The following POM121L2 variants were observed in gnomAD, a reference collection of about 807,000 sequenced individuals.
POM121L2 encodes POM121 transmembrane nucleoporin like 2, also known as POM121-like protein 2.
For synonymous variants in POM121L2, 459 were observed against 483.8 expected (o/e 0.95, Z 0.67); for missense variants, 1,167 against 1,260.3 (o/e 0.93, Z 1.12).
intron 1 of POM121L2, chr6:27,309,356 AG>A: frequency 6.4e-7 from 1 of 1,551,644 alleles, no homozygotes; most frequent in Middle Eastern, 1.7e-4. Context: ...TTCTGGCTCC[AG>A]CCTTTTCCAA....
At position 27,308,678 on chromosome 6, in the gene POM121L2, T is replaced by G. The variant is rs1760702130; in HGVS notation, c.*385A>C. The stretch of plus-strand genomic sequence containing the variant: ...TAGTGAGTAACAGAGAACATGTTAG[T>G]GTTTACCAGCAGTAGGGATGGCAGG... On this transcript the variant is annotated 3_prime_UTR_variant, in exon 1 of 1. Transcript: ENST00000444565. Among the ~76,000 whole-genome samples the G allele has an allele frequency of 6.6e-6, 1 of 152,212 alleles. No homozygotes were observed. The highest frequency in any genetic ancestry group is 2.1e-4 in the South Asian group (1 of 4,828).
Position 27,311,188 on chromosome 6 carries a change from G to A in POM121L2, c.983C>T (p.Pro328Leu). The A allele has an allele frequency of 6.4e-7, 1 of 1,551,982 alleles. No individual in the cohort carries two copies. Among genetic ancestry groups the A allele is most frequent in the Non-Finnish European group, 8.7e-7 (1 of 1,147,062 alleles). The change falls in exon 1 of 1, where the codon CCT (proline) becomes CTT (leucine). Residue 328 changes from proline (P) to leucine (L), a missense_variant. Transcript: ENST00000444565. ...NQKIPQLPSS[P>L]ENLVSEIPPP... ...TGGGATCTCTGACACCAGGTTCTCA[G>A]GGCTAGACGGCAGCTGTGGAATCTT...
In POM121L2 at chr6:27,310,716, T is replaced by G; in HGVS notation, c.1455A>C (p.Ser485=). ...LPVTDTTWPP[S]TSQADRSPMP... Reference sequence around the variant, plus strand: ...TGGGAGACCTGTCAGCCTGAGAGGTTGAAGGCGGCCAGGTGGTGTCAGTAA... The same window carrying G: ...TGGGAGACCTGTCAGCCTGAGAGGTGGAAGGCGGCCAGGTGGTGTCAGTAA... Residue 485 remains serine (S), a synonymous_variant, in exon 1 of 1, where the codon TCA becomes TCC. Transcript: ENST00000444565. 6.4e-7 allele frequency: 1 copy of G among 1,551,846 alleles called. No homozygotes were observed. The highest frequency in any genetic ancestry group is 8.7e-7 in the Non-Finnish European group (1 of 1,147,014).
chr6:27,311,783 G>T lies in POM121L2; in HGVS notation c.388C>A (p.Pro130Thr), dbSNP rs1442655770. 3 of 1,551,692 alleles carry T rather than the reference G, an allele frequency of 1.9e-6. No homozygotes were observed. Among genetic ancestry groups the T allele is most frequent in the Admixed American group, 3.9e-5 (2 of 50,988 alleles). ...ACATCTTCAGGAGAAGTGGAAGGGG[G>T]CACTCTCTGGTCAGGAGGAGTGATC... Reference protein sequence around the residue: ...IRITPPDQRVPPSTSPEDVIA... With the variant: ...IRITPPDQRVTPSTSPEDVIA... Residue 130 changes from proline (P) to threonine (T), a missense_variant, in exon 1 of 1, where the codon CCC becomes ACC. By Grantham distance (38) the Pro-to-Thr change is conservative. Coordinates refer to ENST00000444565, the MANE Select transcript of POM121L2 (RefSeq NM_033482.4).
In POM121L2 at chr6:27,308,647, A is replaced by T. The variant is rs1760701838; in HGVS notation, c.*416T>A. On this transcript the variant is annotated 3_prime_UTR_variant, in exon 1 of 1. Transcript: ENST00000444565. Reference sequence around the variant, plus strand: ...ATTTAAGTGACACTCTCTAAAAGACAACCTATAGTGAGTAACAGAGAACAT... The same window carrying T: ...ATTTAAGTGACACTCTCTAAAAGACTACCTATAGTGAGTAACAGAGAACAT... Among the ~76,000 whole-genome samples, 1 of 152,254 alleles carries T rather than the reference A, an allele frequency of 6.6e-6. No individual in the cohort carries two copies. The highest frequency in any genetic ancestry group is 2.4e-5 in the African/African-American group (1 of 41,470).
In POM121L2 at chr6:27,311,686, G is replaced by T; in HGVS notation, c.485C>A (p.Ala162Asp). The T allele has an allele frequency of 6.4e-7, 1 of 1,551,860 alleles. No homozygotes were observed. The highest frequency in any genetic ancestry group is 8.7e-7 in the Non-Finnish European group (1 of 1,147,034). ...DPCSKETVLRALRECRKGKGR... is the reference protein window; with the variant it reads ...DPCSKETVLRDLRECRKGKGR... ...TTTCCCTTTTCTGCACTCTCTGAGG[G>T]CCCTCAACACTGTCTCCTTTGAACA... Residue 162 changes from alanine to aspartate, a missense_variant, in exon 1 of 1, where the codon GCC (alanine) becomes GAC (aspartate). Ala to Asp is a moderately radical substitution (Grantham distance 126). Coordinates refer to ENST00000444565, the MANE Select transcript of POM121L2 (RefSeq NM_033482.4).
rs773655295 is a variant in POM121L2, at chr6:27,311,030, C to A, written c.1141G>T (p.Ala381Ser). ...NTDPFPETWL[A>S]IQPSLSLALP... is the part of the protein sequence containing the mutation. ...GCAAGAGACAAGGAAGGCTGAATAG[C>A]AAGCCAAGTCTCAGGGAAAGGGTCT... Residue 381 changes from alanine to serine, a missense_variant, in exon 1 of 1, where the codon GCT becomes TCT. Ala to Ser is a moderately conservative substitution (Grantham distance 99, BLOSUM62 1). Coordinates refer to ENST00000444565, the MANE Select transcript of POM121L2 (RefSeq NM_033482.4). 1 of 1,551,914 alleles carries A rather than the reference C, an allele frequency of 6.4e-7. No individual in the cohort carries two copies. Among genetic ancestry groups the A allele is most frequent in the Non-Finnish European group, 8.7e-7 (1 of 1,146,900 alleles).
rs1760726413 is a variant in POM121L2 at position 27,310,269 on chromosome 6, G to C, written c.1902C>G (p.Asp634Glu). 5.8e-6 allele frequency: 9 copies of C among 1,552,378 alleles called. No homozygotes were observed. Among genetic ancestry groups the C allele is most frequent in the Non-Finnish European group, 7.0e-6 (8 of 1,147,126 alleles). The change falls in exon 1 of 1, where the codon GAC becomes GAG. Residue 634 changes from aspartate (D) to glutamate (E), a missense_variant. Transcript: ENST00000444565. ...AATCCAAAGGTGGCTTAAAAACAGAGTCTTTAGATGTGCTGGCTAGGGTGG... is the reference window on the plus strand; with the variant it reads ...AATCCAAAGGTGGCTTAAAAACAGACTCTTTAGATGTGCTGGCTAGGGTGG... The part of the protein sequence containing the change: ...MSTTLASTSK[D>E]SVFKPPLDFG...
rs951963533 is a variant in POM121L2 at position 27,309,488 on chromosome 6, C to T, written c.2683G>A (p.Val895Met). 1.8e-5 allele frequency: 28 copies of T among 1,551,796 alleles called. No homozygotes were observed. The highest frequency in any genetic ancestry group is 1.7e-4 in the Middle Eastern group (1 of 6,016). The change falls in exon 1 of 1, where the codon GTG (valine) becomes ATG (methionine). Residue 895 changes from valine (V) to methionine (M), a missense_variant. Coordinates refer to ENST00000444565, the MANE Select transcript of POM121L2 (RefSeq NM_033482.4). ...APQPFTFGGF[V>M]TPMDCDESGI... ...GACTCATCACAGTCCATAGGGGTCA[C>T]GAATCCCCCAAAAGTGAAAGGTTGT...
rs1220765988 is a variant in POM121L2, at chr6:27,310,033, G to A, written c.2138C>T (p.Ser713Phe). The A allele has an allele frequency of 1.3e-6, 2 of 1,552,066 alleles. No individual in the cohort carries two copies. The highest frequency in any genetic ancestry group is 1.4e-5 in the African/African-American group (1 of 73,058). Reference protein sequence around the residue: ...TQVLSSVVQISPRSSTANFRG... With the variant: ...TQVLSSVVQIFPRSSTANFRG... The stretch of plus-strand genomic sequence containing the variant: ...GAAATTAGCAGTGCTGCTTCTAGGG[G>A]ATATCTGTACAACACTGGAAAGGAC... Residue 713 changes from serine to phenylalanine, a missense_variant, in exon 1 of 1, where the codon TCC (serine) becomes TTC (phenylalanine). Ser to Phe is a radical substitution (Grantham distance 155). Coordinates refer to ENST00000444565, the MANE Select transcript of POM121L2 (RefSeq NM_033482.4).
In POM121L2 at chr6:27,310,347, A is replaced by G. The variant is rs1384381402; in HGVS notation, c.1824T>C (p.Ala608=). Reference sequence around the variant, plus strand: ...CCAGGCCATGGAAATGATGGGTAGAAGCATGAGTAAATGGAGGAGGGGTCT... The same window carrying G: ...CCAGGCCATGGAAATGATGGGTAGAGGCATGAGTAAATGGAGGAGGGGTCT... ...SKQTPPPFTH[A]STHHFHGLVK... is the part of the protein sequence containing the mutation. The change falls in exon 1 of 1, where the codon GCT becomes GCC. Residue 608 remains alanine, a synonymous_variant. Coordinates refer to ENST00000444565, the MANE Select transcript of POM121L2 (RefSeq NM_033482.4). The G allele has an allele frequency of 8.4e-6, 13 of 1,552,256 alleles. No homozygotes were observed. Among genetic ancestry groups the G allele is most frequent in the Non-Finnish European group, 1.1e-5 (13 of 1,147,104 alleles).
chr6:27,309,503 T>C lies in POM121L2; in HGVS notation c.2668A>G (p.Thr890Ala), dbSNP rs1290034409. The change falls in exon 1 of 1, where the codon ACT (threonine) becomes GCT (alanine). Residue 890 changes from threonine (T) to alanine (A), a missense_variant. By Grantham distance (58) the Thr-to-Ala change is moderately conservative (BLOSUM62 0). Coordinates refer to ENST00000444565, the MANE Select transcript of POM121L2 (RefSeq NM_033482.4). ...ATAGGGGTCACGAATCCCCCAAAAG[T>C]GAAAGGTTGTGGAGCTCTGCTGCCA... ...VFGSRAPQPF[T>A]FGGFVTPMDC... 6 of 1,551,884 alleles carry C rather than the reference T, an allele frequency of 3.9e-6. 1 individual carries two copies. The East Asian group carries it at 1.2e-4, about 32-fold the overall frequency.
At position 27,311,733 on chromosome 6, in the gene POM121L2, G is replaced by T. The variant is rs770048144; in HGVS notation, c.438C>A (p.Pro146=). 6.4e-6 allele frequency: 10 copies of T among 1,551,732 alleles called. No individual in the cohort carries two copies. The highest frequency in any genetic ancestry group is 3.9e-5 in the Admixed American group (2 of 50,986). The change falls in exon 1 of 1, where the codon CCC becomes CCA. Residue 146 remains proline (P), a synonymous_variant. Transcript: ENST00000444565. ...EDVIALAGLP[P]SEELADPCSK... ...AACATGGATCTGCGAGCTCCTCAGA[G>T]GGCGGGAGTCCTGCAAGGGCAATTA...
Position 27,310,868 on chromosome 6 carries a change from A to G in POM121L2, c.1303T>C (p.Leu435=). Residue 435 remains leucine, a synonymous_variant, in exon 1 of 1, where the codon TTG becomes CTG. Coordinates refer to ENST00000444565, the MANE Select transcript of POM121L2 (RefSeq NM_033482.4). ...GEATSVAHSP[L]KTPSLPTPPG... is the part of the protein sequence containing the mutation. ...GGGGTCGGTAGGCTGGGTGTCTTCA[A>G]AGGAGAATGGGCCACACTGGTTGCC... 3 of 1,551,736 alleles carry G rather than the reference A, an allele frequency of 1.9e-6. No homozygotes were observed. The highest frequency in any genetic ancestry group is 2.6e-6 in the Non-Finnish European group (3 of 1,146,982).
In POM121L2 at chr6:27,311,111, T is replaced by C; in HGVS notation, c.1060A>G (p.Lys354Glu). 3 of 1,551,892 alleles carry C rather than the reference T, an allele frequency of 1.9e-6. No individual in the cohort carries two copies. Among genetic ancestry groups the C allele is most frequent in the Non-Finnish European group, 2.6e-6 (3 of 1,147,042 alleles). Residue 354 changes from lysine (K) to glutamate (E), a missense_variant, in exon 1 of 1, where the codon AAA becomes GAA. Coordinates refer to ENST00000444565, the MANE Select transcript of POM121L2 (RefSeq NM_033482.4). ...VSDENLTLGK[K>E]AELQVSNNAG... ...TTGTTGCTTACCTGTAGCTCAGCTT[T>C]CTTCCCCAAAGTCAAGTTCTCATCA...
Position 27,311,550 on chromosome 6 carries a change from A to G in POM121L2, c.621T>C (p.Ser207=). The G allele has an allele frequency of 6.4e-7, 1 of 1,551,722 alleles. No homozygotes were observed. The highest frequency in any genetic ancestry group is 8.7e-7 in the Non-Finnish European group (1 of 1,147,014). Residue 207 remains serine, a synonymous_variant, in exon 1 of 1, where the codon TCT becomes TCC. Transcript: ENST00000444565. The stretch of plus-strand genomic sequence containing the variant: ...TCAGCGGCCCAGGCCTGGGCACAAA[A>G]GAAGTGAGGGTTCCATTTTTCATCA... ...KPLMKNGTLT[S]FVPRPGPLKR...
In POM121L2 at chr6:27,310,635, C is replaced by T; in HGVS notation, c.1536G>A (p.Val512=). Residue 512 remains valine, a synonymous_variant, in exon 1 of 1, where the codon GTG becomes GTA. Transcript: ENST00000444565. ...CAGAAAGATGGGATGTTGGGCTACT[C>T]ACCATTCCAAGCAAAGTACTTTGGA... ...PTIQSTLLGM[V]SSPTSHLSAS... The T allele has an allele frequency of 6.4e-7, 1 of 1,551,886 alleles. No individual in the cohort carries two copies. Among genetic ancestry groups the T allele is most frequent in the Non-Finnish European group, 8.7e-7 (1 of 1,147,054 alleles).
In POM121L2 at chr6:27,310,553, G is replaced by C; in HGVS notation, c.1618C>G (p.Pro540Ala). ...AHLMLKPILG[P>A]LHNSEIGSSS... is the part of the protein sequence containing the mutation. ...CTTCCAATCTCGCTGTTGTGCAGGG[G>C]CCCCAAAATCGGTTTTAACATGAGG... Residue 540 changes from proline (P) to alanine (A), a missense_variant, in exon 1 of 1, where the codon CCC (proline) becomes GCC (alanine). Coordinates refer to ENST00000444565, the MANE Select transcript of POM121L2 (RefSeq NM_033482.4). The C allele has an allele frequency of 6.4e-7, 1 of 1,552,154 alleles. No individual in the cohort carries two copies. Among genetic ancestry groups the C allele is most frequent in the South Asian group, 1.2e-5 (1 of 84,060 alleles).
chr6:27,309,642 G>T lies in POM121L2; in HGVS notation c.2529C>A (p.Ser843Arg), dbSNP rs750719227. 7.1e-6 allele frequency: 11 copies of T among 1,551,736 alleles called. No homozygotes were observed. The South Asian group carries it at 1.3e-4, about 18-fold the overall frequency. Residue 843 changes from serine to arginine, a missense_variant, in exon 1 of 1, where the codon AGC (serine) becomes AGA (arginine). Transcript: ENST00000444565. ...PSASTSQTPA[S>R]TWSGIGGIPA... ...GAATGCCGCCAATGCCTGACCAGGT[G>T]CTGGCAGGGGTTTGAGAGGTGGAGG...
Sources: allele counts gnomAD v4.1 joint callset (sites outside exome capture counted in the v4.1 genomes callset), GRCh38; gene constraint gnomAD v4.1.1; transcripts MANE v1.5; gene names NCBI Gene and HGNC (gene_info 2026-07-23, HGNC 2026-07-21).